Variants in DIP2C observed in about 807,000 individuals in gnomAD.
The protein encoded by DIP2C is DIP2 acetate--CoA ligase C (putative), also known as disco-interacting protein 2 homolog C.
Under a neutral mutation model 192.4 loss-of-function variants are expected in DIP2C, and 33 were observed. The ratio of observed to expected loss-of-function variants is 0.17; its 90% CI spans 0.13 to 0.23. The LOEUF (loss-of-function observed/expected upper bound fraction) is 0.23, where lower values mean the gene tolerates loss of function less well. Among genes scored for constraint, DIP2C ranks in the 10% least tolerant of loss-of-function variants. The pLI is 1.00. For missense variants in DIP2C, 1,537 were observed against 2,110.1 expected (o/e 0.73, Z 5.32); for synonymous variants, 979 against 864.1 (o/e 1.13, Z -2.33).
chr10:388,626 C>T (rs925225193), intron 13 of DIP2C, among the ~76,000 whole-genome samples: 9 of 152,208 alleles, frequency 5.9e-5, no homozygotes, highest in Admixed American at 2.0e-4. Flanking sequence ...ACCTTGGAGG[C>T]GCAGGGGGCA....
At chr10:675,274 C>T (rs984266692) in intron 1 of DIP2C, among the ~76,000 whole-genome samples, 2 of 151,522 alleles carry the variant, frequency 1.3e-5, no homozygotes, top group African/African-American at 4.9e-5. Flanking sequence ...TCACAGCCTA[C>T]GGTATAGAGC....
chr10:551,809 T>C (rs1301130363), intron 1 of DIP2C, among the ~76,000 whole-genome samples: 2 of 152,108 alleles, frequency 1.3e-5, no homozygotes, highest in Admixed American at 6.5e-5. Flanking sequence ...GGCTCTGGGG[T>C]TCAACCTCGG....
At chr10:667,140 G>C (rs1428592644) in intron 1 of DIP2C, 1 of 152,352 alleles carries the variant, frequency 6.6e-6, no homozygotes, top group African/African-American at 2.4e-5. Context: ...GATGACATGA[G>C]GTCAGGAGTT....
intron 13 of DIP2C, among the ~76,000 whole-genome samples, chr10:388,838 G>A (rs1311963515): frequency 5.9e-5 from 9 of 152,248 alleles, no homozygotes; most frequent in African/African-American, 1.4e-4. Flanking sequence ...AGGGGTGCAC[G>A]CCGCAGCGGT....
chr10:296,898 G>A (rs181129557), intron 32 of DIP2C, among the ~76,000 whole-genome samples: 2 of 99,462 alleles, frequency 2.0e-5, no homozygotes, highest in African/African-American at 4.1e-5. Flanking sequence ...TGGGGTGGGG[G>A]GAGGGGGGAG....
At chr10:526,377 T>C (rs1051904743) in intron 1 of DIP2C, among the ~76,000 whole-genome samples, 1 of 152,192 alleles carries the variant, frequency 6.6e-6, no homozygotes, top group African/African-American at 2.4e-5. Flanking sequence ...TTATGTTAAA[T>C]ACATGAAAAC....
chr10:592,859 G>A (rs1013415977), intron 1 of DIP2C, among the ~76,000 whole-genome samples: 4 of 151,506 alleles, frequency 2.6e-5, no homozygotes, highest in Non-Finnish European at 5.9e-5. Context: ...AGAAATCTGA[G>A]AGCAGGTATG....
intron 1 of DIP2C, among the ~76,000 whole-genome samples, chr10:487,641 G>C (rs909251645): frequency 2.4e-5 from 3 of 124,820 alleles, no homozygotes; most frequent in Non-Finnish European, 4.8e-5. Context: ...GCAGTGGCGT[G>C]ATCTCAGCTC....
chr10:616,748 G>A (rs17159756), intron 1 of DIP2C, among the ~76,000 whole-genome samples: 16,115 of 152,224 alleles, frequency 0.11, 1,202 homozygotes, highest in African/African-American at 0.21. Flanking sequence ...AAGTACCCAG[G>A]CCAGGCAAGC....
chr10:317,219 G>A (rs1956812692), intron 31 of DIP2C, among the ~76,000 whole-genome samples: 1 of 152,260 alleles, frequency 6.6e-6, no homozygotes, highest in African/African-American at 2.4e-5. Context: ...GATTACTGGT[G>A]GGGTGGGGGC....
chr10:452,089 C>T (rs763673103), intron 3 of DIP2C, among the ~76,000 whole-genome samples: 2 of 152,102 alleles, frequency 1.3e-5, no homozygotes, highest in East Asian at 1.9e-4. Context: ...TCGGGTAACA[C>T]GAGCAGGAGG....
chr10:477,869 G>A (rs1192175885), intron 2 of DIP2C, among the ~76,000 whole-genome samples: 1 of 129,316 alleles, frequency 7.7e-6, no homozygotes, highest in Admixed American at 7.9e-5. Context: ...AGGAAGCAGA[G>A]AGAAGAAAAC....
intron 1 of DIP2C, among the ~76,000 whole-genome samples, chr10:683,727 G>A (rs1831213297): frequency 6.6e-6 from 1 of 152,224 alleles, no homozygotes; most frequent in South Asian, 2.1e-4. Context: ...CTGGGCTGGT[G>A]ACTCAGCCAA....
At chr10:650,698 A>C in intron 1 of DIP2C, 1 of 621,332 alleles carries the variant, frequency 1.6e-6, no homozygotes, top group East Asian at 2.7e-5. Flanking sequence ...TAGAGCCCAG[A>C]TGGCTTCTGG....
chr10:389,371 CAGTTCCCTCCACTCA>C (rs376199860), intron 13 of DIP2C, among the ~76,000 whole-genome samples: 1,719 of 152,252 alleles, frequency 0.011, 38 homozygotes, highest in African/African-American at 0.039. Flanking sequence ...GTGGTTGCCA[CAGTTCCCTCCACTCA>C]AGTTCCCTCC....
At chr10:474,600 A>G (rs10795193) in intron 2 of DIP2C, among the ~76,000 whole-genome samples, 126,547 of 152,052 alleles carry the variant, frequency 0.83, 55,858 homozygotes, top group Non-Finnish European at 0.96. Flanking sequence ...CATGCTCTTC[A>G]ATGCCCCCTC....
At chr10:328,046 G>C (rs1278138921) in intron 30 of DIP2C, among the ~76,000 whole-genome samples, 1 of 152,186 alleles carries the variant, frequency 6.6e-6, no homozygotes, top group Non-Finnish European at 1.5e-5. Flanking sequence ...GAGCTGCTAA[G>C]GGGGCGGCCA....
intron 3 of DIP2C, among the ~76,000 whole-genome samples, chr10:443,955 A>G (rs1247118044): frequency 1.3e-5 from 2 of 152,182 alleles, no homozygotes; most frequent in Non-Finnish European, 2.9e-5. Flanking sequence ...GTGCACTTTG[A>G]TAAGTGGAAA....
intron 10 of DIP2C, among the ~76,000 whole-genome samples, chr10:396,531 C>T (rs533475354): frequency 3.3e-5 from 5 of 152,204 alleles, no homozygotes; most frequent in Non-Finnish European, 7.3e-5. Flanking sequence ...CTCATGCCTA[C>T]AAGTTCCTGC....
Sources: gnomAD v4.1 joint callset for allele counts (sites outside exome capture counted in the v4.1 genomes callset) on GRCh38, gnomAD v4.1.1 for gene constraint, MANE v1.5 for transcripts, NCBI Gene and HGNC (gene_info 2026-07-23, HGNC 2026-07-21) for gene names.